CPT1A: variants seen among roughly 807,000 people sequenced by gnomAD.
CPT1A encodes carnitine O-palmitoyltransferase 1, liver isoform.
CPT1A carries 64 observed loss-of-function variants against 100.8 expected under a neutral mutation model. That is an observed-to-expected ratio of 0.63 (90% CI 0.52 to 0.78). The LOEUF (loss-of-function observed/expected upper bound fraction) is 0.78, where lower values mean the gene tolerates loss of function less well. Ranked by LOEUF, CPT1A falls within the 30% of genes least tolerant of loss-of-function variation. CPT1A has a pLI of 0.00. For missense variants in CPT1A, 802 were observed against 1,034.1 expected (o/e 0.78, Z 3.08); for synonymous variants, 363 against 396.0 (o/e 0.92, Z 0.99).
intron 14 of CPT1A, among the ~76,000 whole-genome samples, chr11:68,769,403 ATTTTTTT>A (rs528320899): frequency 4.5e-5 from 6 of 133,314 alleles, no homozygotes; most frequent in Middle Eastern, 3.8e-3. Flanking sequence ...TGCTGGGCTA[ATTTTTTT>A]TTTTTTTTTT....
Position 68,757,485 on chromosome 11 carries a change from T to G in CPT1A, c.*159A>C, listed in dbSNP as rs1946713942. 6.6e-7 allele frequency: 1 copy of G among 1,506,630 alleles called. No individual in the cohort carries two copies. Among genetic ancestry groups the G allele is most frequent in the Non-Finnish European group, 8.8e-7 (1 of 1,132,406 alleles). 93.3% of individuals were successfully genotyped at this position (1,506,630 alleles called of 1,614,324 possible). A position where few individuals can be genotyped will look rare whatever the true frequency, so the allele number is the denominator to read the frequency against. On this transcript the variant is annotated 3_prime_UTR_variant, in exon 19 of 19. Transcript: ENST00000265641. ...GGGGTTATGCTTCACAGGGGAGAGA[T>G]ACTGTTCTAGGAAAAAAAAACACCC...
intron 1 of CPT1A, among the ~76,000 whole-genome samples, chr11:68,833,186 T>C (rs1856922451): frequency 6.6e-6 from 1 of 152,134 alleles, no homozygotes; most frequent in African/African-American, 2.4e-5. Flanking sequence ...TCAAGGGAAG[T>C]ACCAGGAAGG....
In CPT1A at chr11:68,761,639, G is replaced by T. The variant is rs368239019; in HGVS notation, c.1924C>A (p.His642Asn). Residue 642 changes from histidine (H) to asparagine (N), a missense_variant, in exon 16 of 19, where the codon CAT (histidine) becomes AAT (asparagine). His to Asn is a moderately conservative substitution (Grantham distance 68, BLOSUM62 1). Around this residue, in one of 4 missense-constraint regions of CPT1A, gnomAD observed 627 missense variants for 799.3 expected, o/e 0.78. Coordinates refer to ENST00000265641, the MANE Select transcript of CPT1A (RefSeq NM_001876.4). ...LFKLASEKHQ[H>N]MYRLAMTGSG... The stretch of plus-strand genomic sequence containing the variant: ...CCGGTCATGGCGAGGCGATACATAT[G>T]CTGATGCTTCTCAGACGCCAACTTG... The T allele has an allele frequency of 6.8e-6, 11 of 1,614,150 alleles. No homozygotes were observed. Among genetic ancestry groups the T allele is most frequent in the Non-Finnish European group, 9.3e-6 (11 of 1,180,024 alleles).
rs750911015 is a variant in CPT1A, at chr11:68,807,449, A to G, written c.453+18T>C. 3.7e-6 allele frequency: 6 copies of G among 1,611,932 alleles called. No individual in the cohort carries two copies. The highest frequency in any genetic ancestry group is 5.1e-6 in the Non-Finnish European group (6 of 1,178,726). On this transcript the variant is annotated intron_variant, in intron 4 of 18. Transcript: ENST00000265641. ...CAAACTGTCCACCCCCTCCACAGCC[A>G]GAGGGACACGCAATTACCATCCAGA...
chr11:68,813,493 T>C lies in CPT1A; in HGVS notation c.142-917A>G, dbSNP rs1254648352. 5.6e-5 allele frequency among the ~76,000 whole-genome samples: 8 copies of C among 141,930 alleles called. No individual in the cohort carries two copies. In the East Asian group the frequency reaches 1.4e-3, roughly 25 times the overall value. The allele number at this position is 141,930 out of a possible 152,430, so 93.1% of individuals were successfully genotyped here. On this transcript the variant is annotated intron_variant, in intron 2 of 18. Coordinates refer to ENST00000265641, the MANE Select transcript of CPT1A (RefSeq NM_001876.4). ...TTGCAGTGAGCCAAGGTTGTGCCAT[T>C]GCACTCCAACCTGGGCAACAGAGTG... is the stretch of plus-strand genomic sequence containing the variant.
chr11:68,768,423 G>A lies in CPT1A; in HGVS notation c.1740+4842C>T, dbSNP rs531202981. On this transcript the variant is annotated intron_variant, in intron 14 of 18. Coordinates refer to ENST00000265641, the MANE Select transcript of CPT1A (RefSeq NM_001876.4). ...TCTTCTTCTTCTTTTTTTATTTTTTGAGACGGAGTTTTGTTCTTATTGCTC... is the reference window on the plus strand; with the variant it reads ...TCTTCTTCTTCTTTTTTTATTTTTTAAGACGGAGTTTTGTTCTTATTGCTC... 2.0e-5 allele frequency among the ~76,000 whole-genome samples: 3 copies of A among 150,978 alleles called. No individual in the cohort carries two copies. The South Asian group carries it at 6.3e-4, about 32-fold the overall frequency.
chr11:68,829,741 G>A (rs1371943871), intron 1 of CPT1A, among the ~76,000 whole-genome samples: 1 of 152,180 alleles, frequency 6.6e-6, no homozygotes, highest in East Asian at 1.9e-4. Flanking sequence ...ACCCTTGGGT[G>A]CTGTTCCTGA....
At position 68,804,095 on chromosome 11, in the gene CPT1A, C is replaced by G; in HGVS notation, c.460G>C (p.Val154Leu). The change falls in exon 5 of 19, where the codon GTC becomes CTC. Residue 154 changes from valine to leucine, a missense_variant. By Grantham distance (32) the Val-to-Leu change is conservative. Around this residue, in one of 4 missense-constraint regions of CPT1A, gnomAD observed 161 missense variants for 183.7 expected, o/e 0.88. Transcript: ENST00000265641. ...SRATKIWMGM[V>L]KIFSGRKPML... Reference sequence around the variant, plus strand: ...GGTTTTCGGCCTGAAAAGATCTTGACCATACCCTGAAGAGAGAGAATTATA... The same window carrying G: ...GGTTTTCGGCCTGAAAAGATCTTGAGCATACCCTGAAGAGAGAGAATTATA... 6.2e-7 allele frequency: 1 copy of G among 1,612,236 alleles called. No individual in the cohort carries two copies. The highest frequency in any genetic ancestry group is 1.1e-5 in the South Asian group (1 of 91,052).
rs1855845338 is a variant in CPT1A, at chr11:68,799,492, T to C, written c.556-137A>G. On this transcript the variant is annotated intron_variant, in intron 5 of 18. Coordinates refer to ENST00000265641, the MANE Select transcript of CPT1A (RefSeq NM_001876.4). ...GGCTGGGCATGGTGGCTCATGCTTG[T>C]AATCCCAGCACTTTGGGAGGTCAAG... The C allele has an allele frequency of 1.3e-5, 12 of 943,906 alleles. No individual in the cohort carries two copies. In the South Asian group the frequency reaches 1.6e-4, roughly 12 times the overall value. 58.5% of individuals were successfully genotyped at this position (943,906 alleles called of 1,614,324 possible).
Position 68,804,009 on chromosome 11 carries a change from A to G in CPT1A, c.546T>C (p.Thr182=). The G allele has an allele frequency of 6.2e-7, 1 of 1,613,256 alleles. No individual in the cohort carries two copies. The highest frequency in any genetic ancestry group is 1.3e-5 in the African/African-American group (1 of 75,036). The change falls in exon 5 of 19, where the codon ACT becomes ACC. Residue 182 remains threonine, a synonymous_variant. Transcript: ENST00000265641. The part of the protein sequence containing the change: ...PRLPVPAVKD[T]VNRYLQSVRP... The stretch of plus-strand genomic sequence containing the variant: ...CCTAAGCCACACCTACCCTGTTCAC[A>G]GTGTCTTTGACAGCCGGGACCGGCA...
chr11:68,785,998 G>T (rs1472432503), intron 9 of CPT1A: 1 of 702,332 alleles, frequency 1.4e-6, no homozygotes, highest in South Asian at 1.5e-5. Flanking sequence ...GCACTGCTCA[G>T]TGGGGATGCA....
At chr11:68,825,434 G>A (rs1856698553) in intron 1 of CPT1A, among the ~76,000 whole-genome samples, 1 of 152,108 alleles carries the variant, frequency 6.6e-6, no homozygotes, top group Non-Finnish European at 1.5e-5. Context: ...GAGAAACGGC[G>A]TAACCCATCC....
In CPT1A at chr11:68,794,793, T is replaced by C. The variant is rs1212285022; in HGVS notation, c.879+11A>G. The C allele has an allele frequency of 6.2e-7, 1 of 1,605,544 alleles. No individual in the cohort carries two copies. The highest frequency in any genetic ancestry group is 1.7e-5 in the Admixed American group (1 of 60,022). On this transcript the variant is annotated intron_variant, in intron 8 of 18. Coordinates refer to ENST00000265641, the MANE Select transcript of CPT1A (RefSeq NM_001876.4). ...TGAAAATAATTTTTTTAAAGCAATT[T>C]GTTTGCCTACTGGTTTGATTTCCTC...
At chr11:68,824,794 C>CTTTTT (rs60451933) in intron 1 of CPT1A, among the ~76,000 whole-genome samples, 5 of 120,350 alleles carry the variant, frequency 4.2e-5, no homozygotes, top group African/African-American at 1.3e-4. Flanking sequence ...GCAATTGTAT[C>CTTTTT]TTTTTTTTTT....
At chr11:68,791,914 G>T (rs1355167447) in intron 9 of CPT1A, among the ~76,000 whole-genome samples, 1 of 152,140 alleles carries the variant, frequency 6.6e-6, no homozygotes, top group South Asian at 2.1e-4. Context: ...CCACTCAGAG[G>T]CCAGCTTTTG....
intron 10 of CPT1A, among the ~76,000 whole-genome samples, chr11:68,782,713 G>T (rs560297493): frequency 6.6e-6 from 1 of 152,252 alleles, no homozygotes; most frequent in African/African-American, 2.4e-5. Flanking sequence ...CCAGATCGGG[G>T]CCATCTGGCT....
chr11:68,770,920 G>A (rs1035349622), intron 14 of CPT1A, among the ~76,000 whole-genome samples: 4 of 152,224 alleles, frequency 2.6e-5, no homozygotes, highest in Non-Finnish European at 4.4e-5. Context: ...CTGCGTACGA[G>A]CTGGAGCCCT....
At chr11:68,833,381 G>A (rs775736448) in intron 1 of CPT1A, among the ~76,000 whole-genome samples, 45 of 152,258 alleles carry the variant, frequency 3.0e-4, no homozygotes, top group Non-Finnish European at 1.9e-4. Flanking sequence ...GAGCCACATC[G>A]TTATTCAATT....
intron 14 of CPT1A, among the ~76,000 whole-genome samples, chr11:68,764,671 C>G (rs1010221384): frequency 6.6e-6 from 1 of 152,200 alleles, no homozygotes; most frequent in Non-Finnish European, 1.5e-5. Context: ...GCCAAGATCT[C>G]TGGAGGAGAG....
Sources: gnomAD v4.1 joint callset for allele counts (sites outside exome capture counted in the v4.1 genomes callset) on GRCh38, gnomAD v4.1.1 for gene constraint, gnomAD v4.1.1 regional missense constraint, MANE v1.5 for transcripts, NCBI Gene and HGNC (gene_info 2026-07-23, HGNC 2026-07-21) for gene names.